Variants in KCNB2 observed in about 807,000 individuals in gnomAD.
KCNB2 encodes the protein delayed rectifier potassium channel protein.
KCNB2 carries 15 observed loss-of-function variants against 61.5 expected under a neutral mutation model. The ratio of observed to expected loss-of-function variants is 0.24; its 90% confidence interval spans 0.16 to 0.38. The LOEUF (loss-of-function observed/expected upper bound fraction) is 0.38. Among genes scored for constraint, KCNB2 ranks in the 10% least tolerant of loss-of-function variants. The probability of loss-of-function intolerance (pLI) is 1.00; values close to 1 mark genes in which losing one functional copy is unlikely to be tolerated. For missense variants in KCNB2, 828 were observed against 1,125.2 expected (o/e 0.74, Z 3.78); for synonymous variants, 457 against 446.0 (o/e 1.02, Z -0.31).
At chr8:72,882,409 C>T (rs1244858040) in intron 2 of KCNB2, among the ~76,000 whole-genome samples, 8 of 152,110 alleles carry the variant, frequency 5.3e-5, no homozygotes, top group South Asian at 2.1e-4. Flanking sequence ...CAGTTCATCA[C>T]GCGGTGAGTG....
intron 2 of KCNB2, among the ~76,000 whole-genome samples, chr8:72,714,657 T>G (rs7825440): frequency 0.72 from 110,069 of 151,982 alleles, 41,110 homozygotes; most frequent in African/African-American, 0.9. Context: ...GCTCCTGAAG[T>G]AAGCACTAAA....
intron 2 of KCNB2, among the ~76,000 whole-genome samples, chr8:72,828,926 A>G (rs1809643777): frequency 6.6e-6 from 1 of 152,174 alleles, no homozygotes; most frequent in Non-Finnish European, 1.5e-5. Flanking sequence ...ATAATAAAAT[A>G]TTATTAAATG....
At chr8:72,690,445 C>G (rs1424282562) in intron 2 of KCNB2, among the ~76,000 whole-genome samples, 1 of 152,122 alleles carries the variant, frequency 6.6e-6, no homozygotes, top group Non-Finnish European at 1.5e-5. Flanking sequence ...GAAATAAAGC[C>G]AAAAATAAGT....
chr8:72,738,120 T>C (rs1018521371), intron 2 of KCNB2, among the ~76,000 whole-genome samples: 7 of 152,252 alleles, frequency 4.6e-5, no homozygotes, highest in African/African-American at 1.7e-4. Flanking sequence ...CTCTGAGAGA[T>C]GGGGTTTGGG....
intron 2 of KCNB2, among the ~76,000 whole-genome samples, chr8:72,686,358 T>A (rs1308477503): frequency 6.6e-6 from 1 of 151,706 alleles, no homozygotes; most frequent in Non-Finnish European, 1.5e-5. Flanking sequence ...TTTTGGATAT[T>A]TTTTTTTGAA....
rs112551215 is a variant in KCNB2, at chr8:72,588,502, G to A, written c.579+20189G>A. Among the ~76,000 whole-genome samples, 278 of 152,080 alleles carry A rather than the reference G, an allele frequency of 1.8e-3. 2 individuals carry two copies. Among genetic ancestry groups the A allele is most frequent in the African/African-American group, 6.5e-3 (268 of 41,480 alleles). On this transcript the variant is annotated intron_variant, in intron 2 of 2. Transcript: ENST00000523207. ...GATCCGCCCACCTCGGCCTCCCAAA[G>A]TGCTGAGATTACAGGCTTAAGCCAC...
At chr8:72,792,019 G>T (rs1310586930) in intron 2 of KCNB2, among the ~76,000 whole-genome samples, 2 of 152,160 alleles carry the variant, frequency 1.3e-5, no homozygotes, top group Admixed American at 6.5e-5. Context: ...ATTGCCTGGG[G>T]CTTTATAGAC....
chr8:72,742,833 C>A (rs771164505), intron 2 of KCNB2, among the ~76,000 whole-genome samples: 2 of 152,156 alleles, frequency 1.3e-5, no homozygotes, highest in African/African-American at 4.8e-5. Context: ...TTACCCATGA[C>A]GTCTGACGAT....
intron 2 of KCNB2, among the ~76,000 whole-genome samples, chr8:72,874,031 C>T (rs1805662119): frequency 6.6e-6 from 1 of 152,194 alleles, no homozygotes; most frequent in Non-Finnish European, 1.5e-5. Context: ...CAGTATTTTC[C>T]TTACTTCTGA....
intron 2 of KCNB2, among the ~76,000 whole-genome samples, chr8:72,798,654 A>T (rs568844981): frequency 6.6e-6 from 1 of 151,842 alleles, no homozygotes; most frequent in South Asian, 2.1e-4. Context: ...GCTCATTCCC[A>T]CCTCCCATCT....
At chr8:72,869,588 G>A (rs781510183) in intron 2 of KCNB2, among the ~76,000 whole-genome samples, 1 of 152,078 alleles carries the variant, frequency 6.6e-6, no homozygotes, top group East Asian at 1.9e-4. Flanking sequence ...TGGCCAACAG[G>A]TATATTAAAG....
intron 2 of KCNB2, among the ~76,000 whole-genome samples, chr8:72,820,023 A>C (rs2129000989): frequency 6.6e-6 from 1 of 151,504 alleles, no homozygotes; most frequent in African/African-American, 2.4e-5. Context: ...CTCAAGACAA[A>C]CTCCCATCTT....
intron 2 of KCNB2, among the ~76,000 whole-genome samples, chr8:72,715,012 T>C (rs1280078367): frequency 6.6e-6 from 1 of 152,128 alleles, no homozygotes; most frequent in East Asian, 1.9e-4. Context: ...GTTGCAATCC[T>C]AGTCTCGGAT....
intron 2 of KCNB2, among the ~76,000 whole-genome samples, chr8:72,771,189 G>GA (rs1335679521): frequency 1.3e-5 from 2 of 152,172 alleles, no homozygotes; most frequent in Admixed American, 1.3e-4. Context: ...AAAAAGTTGT[G>GA]ATGATAAAAA....
chr8:72,928,637 T>C (rs576830416), intron 2 of KCNB2, among the ~76,000 whole-genome samples: 1 of 151,604 alleles, frequency 6.6e-6, no homozygotes, highest in African/African-American at 2.4e-5. Context: ...CTTTTATTAC[T>C]TTCCTGTGGG....
chr8:72,871,108 A>T (rs938269378), intron 2 of KCNB2, among the ~76,000 whole-genome samples: 6 of 152,218 alleles, frequency 3.9e-5, no homozygotes, highest in Non-Finnish European at 8.8e-5. Context: ...AATTTTCTGA[A>T]TCTTAGTTTC....
chr8:72,724,596 A>G (rs751865876), intron 2 of KCNB2, among the ~76,000 whole-genome samples: 4 of 152,194 alleles, frequency 2.6e-5, no homozygotes, highest in African/African-American at 4.8e-5. Flanking sequence ...GCCAAATACA[A>G]TATTAGGACA....
chr8:72,824,175 C>A (rs1809558292), intron 2 of KCNB2, among the ~76,000 whole-genome samples: 1 of 152,246 alleles, frequency 6.6e-6, no homozygotes, highest in Admixed American at 6.5e-5. Flanking sequence ...AATATCAAAT[C>A]TCTGCCTTCT....
intron 2 of KCNB2, among the ~76,000 whole-genome samples, chr8:72,822,598 C>T (rs1323270696): frequency 6.6e-6 from 1 of 152,216 alleles, no homozygotes; most frequent in Non-Finnish European, 1.5e-5. Context: ...CCTCTCGCCA[C>T]CCTGGCCCCC....
Sources: gnomAD v4.1 joint callset for allele counts (sites outside exome capture counted in the v4.1 genomes callset) on GRCh38, gnomAD v4.1.1 for gene constraint, MANE v1.5 for transcripts, NCBI Gene and HGNC (gene_info 2026-07-23, HGNC 2026-07-21) for gene names.